The following PHF2 variants were observed in gnomAD, a reference collection of about 807,000 sequenced individuals.
The protein encoded by PHF2 is PHD finger protein 2, also known as lysine-specific demethylase PHF2.
A neutral mutation model predicts 120.5 loss-of-function variants in PHF2; 27 were observed. That is an observed-to-expected ratio of 0.22 (90% CI 0.17 to 0.31). The LOEUF (loss-of-function observed/expected upper bound fraction) is 0.31. Ranked by LOEUF, PHF2 falls within the 10% of genes least tolerant of loss-of-function variation. PHF2 has a pLI of 1.00. For missense variants in PHF2, 1,024 were observed against 1,434.8 expected (o/e 0.71, Z 4.63); for synonymous variants, 568 against 592.5 (o/e 0.96, Z 0.60).
At chr9:93,580,225 C>T (rs576428914) in intron 1 of PHF2, among the ~76,000 whole-genome samples, 3 of 152,192 alleles carry the variant, frequency 2.0e-5, no homozygotes, top group Non-Finnish European at 4.4e-5. Flanking sequence ...CTGGCACCGA[C>T]TGGAGTGCTG....
intron 1 of PHF2, among the ~76,000 whole-genome samples, chr9:93,600,420 C>A (rs867768636): frequency 6.6e-6 from 1 of 152,182 alleles, no homozygotes; most frequent in Admixed American, 6.5e-5. Flanking sequence ...TCTGTGGGGA[C>A]CCACATTACC....
chr9:93,663,471 C>A, intron 13 of PHF2, 46 bp from the exon 14 acceptor site: 1 of 1,212,494 alleles, frequency 8.2e-7, no homozygotes, highest in Non-Finnish European at 1.2e-6. Context: ...TCCTGACCCC[C>A]CACTTCTGTG....
At chr9:93,607,940 T>TGA (rs138717280) in intron 1 of PHF2, among the ~76,000 whole-genome samples, 42,775 of 128,162 alleles carry the variant, frequency 0.33, 7,334 homozygotes, top group South Asian at 0.6. Context: ...GGGAAAGAGA[T>TGA]GAGAGAGAGA....
intron 14 of PHF2, among the ~76,000 whole-genome samples, chr9:93,664,579 G>GAA (rs1385550778): frequency 6.6e-6 from 1 of 152,214 alleles, no homozygotes; most frequent in Non-Finnish European, 1.5e-5. Context: ...GGGTGGTGGA[G>GAA]AAAGGGAGCA....
At chr9:93,636,387 CCT>C in intron 2 of PHF2, 22 bp from the exon 3 acceptor site, 1 of 1,573,522 alleles carries the variant, frequency 6.4e-7, no homozygotes, top group Non-Finnish European at 8.6e-7. Context: ...GTGTGACCGA[CCT>C]TGCTTCCGGT....
At chr9:93,671,116 A>G (rs1198561652) in intron 17 of PHF2, 3 of 892,432 alleles carry the variant, frequency 3.4e-6, no homozygotes, top group Non-Finnish European at 3.8e-6. Flanking sequence ...GTGGGGGTGC[A>G]TGTGTGGGGG....
intron 3 of PHF2, 91 bp downstream of exon 3, chr9:93,636,616 T>A: frequency 1.1e-6 from 1 of 917,320 alleles, no homozygotes; most frequent in Non-Finnish European, 1.7e-6. Flanking sequence ...GCTGGGGGCT[T>A]CCTTTGCTAT....
Position 93,654,512 on chromosome 9 carries a change from G to C in PHF2, c.889G>C (p.Asp297His). 3 of 1,614,100 alleles carry C rather than the reference G, an allele frequency of 1.9e-6. No homozygotes were observed. Among genetic ancestry groups the C allele is most frequent in the South Asian group, 1.1e-5 (1 of 91,080 alleles). ...ASNHSEMFFA[D>H]QVDKCYKCIV... ...TAACCACAGCGAGATGTTCTTTGCT[G>C]ACCAGGTCGACAAATGCTACAAGTG... is the stretch of plus-strand genomic sequence containing the variant. The change falls in exon 7 of 22, where the codon GAC becomes CAC. Residue 297 changes from aspartate to histidine, a missense_variant. Asp to His is a moderately conservative substitution (Grantham distance 81). This residue lies in a region of PHF2 where 347 missense variants were observed against 577.4 expected (regional missense o/e 0.60). Coordinates refer to ENST00000359246, the MANE Select transcript of PHF2 (RefSeq NM_005392.4).
intron 3 of PHF2, among the ~76,000 whole-genome samples, chr9:93,642,940 CT>C (rs1826193801): frequency 6.6e-6 from 1 of 151,942 alleles, no homozygotes; most frequent in Non-Finnish European, 1.5e-5. Context: ...TCAATATTGC[CT>C]GGTCTTTTTT....
intron 16 of PHF2, among the ~76,000 whole-genome samples, chr9:93,666,499 G>T (rs145307172): frequency 6.6e-6 from 1 of 152,206 alleles, no homozygotes; most frequent in African/African-American, 2.4e-5. Flanking sequence ...AAGACAGTTT[G>T]GTCCTTTGTG....
At chr9:93,659,390 G>A (rs1274998903) in intron 10 of PHF2, 121 bp from the exon 11 acceptor site, 1 of 739,376 alleles carries the variant, frequency 1.4e-6, no homozygotes, top group African/African-American at 1.7e-5. Context: ...TGGCTCGGAA[G>A]CCCCTCGCCT....
At chr9:93,676,069 C>G (rs1826905389) in intron 20 of PHF2, among the ~76,000 whole-genome samples, 1 of 152,214 alleles carries the variant, frequency 6.6e-6, no homozygotes, top group Non-Finnish European at 1.5e-5. Flanking sequence ...ACAACAGCAG[C>G]TTGGAGGGAG....
intron 1 of PHF2, among the ~76,000 whole-genome samples, chr9:93,584,511 T>C (rs767281214): frequency 1.3e-5 from 2 of 152,254 alleles, no homozygotes; most frequent in Non-Finnish European, 2.9e-5. Context: ...TCTTTCTCCG[T>C]TGAATGATCT....
chr9:93,667,288 C>G (rs1353964684), intron 17 of PHF2, 48 bp downstream of exon 17: 2 of 1,575,846 alleles, frequency 1.3e-6, no homozygotes, highest in Middle Eastern at 3.6e-4. Context: ...CCAGGCAGGC[C>G]CAGGGCTGGC....
At chr9:93,666,186 T>C (rs924406283) in intron 16 of PHF2, 126 bp downstream of exon 16, 17 of 793,182 alleles carry the variant, frequency 2.1e-5, no homozygotes, top group Non-Finnish European at 3.3e-5. Context: ...AAGGGGCCCC[T>C]TACCCTCACC....
At chr9:93,628,312 A>G (rs1825946342) in intron 1 of PHF2, among the ~76,000 whole-genome samples, 1 of 152,132 alleles carries the variant, frequency 6.6e-6, no homozygotes, top group South Asian at 2.1e-4. Flanking sequence ...GATTGGTGTT[A>G]TTCTTCTTTA....
intron 2 of PHF2, among the ~76,000 whole-genome samples, chr9:93,630,834 G>T (rs1825989879): frequency 6.6e-6 from 1 of 152,176 alleles, no homozygotes; most frequent in Non-Finnish European, 1.5e-5. Flanking sequence ...GTGTTAATGT[G>T]GCCTCTGGTT....
rs1163404588 is a variant in PHF2, at chr9:93,673,873, C to G, written c.2626+11C>G. The G allele has an allele frequency of 6.4e-7, 1 of 1,573,908 alleles. No individual in the cohort carries two copies. Among genetic ancestry groups the G allele is most frequent in the Non-Finnish European group, 8.7e-7 (1 of 1,153,802 alleles). ...AGGACTCAGACTACGGTGAGTGTCA[C>G]TCCTGCGTGGGGCAGGGCCCATGCT... On this transcript the variant is annotated intron_variant, in intron 18 of 21. Coordinates refer to ENST00000359246, the MANE Select transcript of PHF2 (RefSeq NM_005392.4).
At chr9:93,633,742 C>G (rs1826045757) in intron 2 of PHF2, among the ~76,000 whole-genome samples, 1 of 152,164 alleles carries the variant, frequency 6.6e-6, no homozygotes, top group African/African-American at 2.4e-5. Context: ...GGGCCCCTGG[C>G]CTCAGTGAGC....
Sources: allele counts gnomAD v4.1 joint callset (sites outside exome capture counted in the v4.1 genomes callset), GRCh38; gene constraint gnomAD v4.1.1; regional missense constraint gnomAD v4.1.1; transcripts MANE v1.5; gene names NCBI Gene and HGNC (gene_info 2026-07-23, HGNC 2026-07-21).